Variants in PPM1B observed in about 807,000 individuals in gnomAD.
PPM1B encodes the protein protein phosphatase, Mg2+/Mn2+ dependent 1B.
A neutral mutation model predicts 43.0 loss-of-function variants in PPM1B; 22 were observed. That is an observed-to-expected ratio of 0.51 (90% CI 0.37 to 0.73). The LOEUF (loss-of-function observed/expected upper bound fraction) is 0.73, where lower values mean the gene tolerates loss of function less well. PPM1B is among the 30% of genes least tolerant of loss of function. The probability of loss-of-function intolerance (pLI) is 0.00; values close to 1 mark genes in which losing one functional copy is unlikely to be tolerated. For missense variants in PPM1B, 632 were observed against 584.2 expected (o/e 1.08, Z -0.84); for synonymous variants, 217 against 197.9 (o/e 1.10, Z -0.81).
chr2:44,219,151 T>C (rs2104226531), intron 5 of PPM1B: 2 of 158,888 alleles, frequency 1.3e-5, no homozygotes, highest in South Asian at 1.7e-4. Flanking sequence ...TGCCCCTCTA[T>C]ATTGTTTTGT....
At chr2:44,214,076 A>G (rs1669607732) in intron 3 of PPM1B, among the ~76,000 whole-genome samples, 1 of 152,166 alleles carries the variant, frequency 6.6e-6, no homozygotes, top group African/African-American at 2.4e-5. Flanking sequence ...AAAAACACCA[A>G]CCATAGAGTT....
chr2:44,225,766 C>T (rs1445032575), intron 5 of PPM1B, among the ~76,000 whole-genome samples: 3 of 152,128 alleles, frequency 2.0e-5, no homozygotes, highest in African/African-American at 7.2e-5. Flanking sequence ...AAGCGATTCT[C>T]CTGCCTCACC....
At position 44,201,574 on chromosome 2, in the gene PPM1B, C is replaced by T. The variant is rs1480858288; in HGVS notation, c.375C>T (p.Asn125=). Residue 125 remains asparagine (N), a synonymous_variant, in exon 2 of 6, where the codon AAC becomes AAT. Transcript: ENST00000282412. This position sits in a 1 kb window ranked among gnomAD's most constrained non-coding sequence, Gnocchi z 5.4. ...TGCGTAACTTTTCAGACCTCAGAAA[C>T]GGGATGGACAGGAGTGGTTCAACTG... The part of the protein sequence containing the change: ...EYMRNFSDLR[N]GMDRSGSTAV... The T allele has an allele frequency of 6.8e-6, 11 of 1,614,072 alleles. No individual in the cohort carries two copies. Among genetic ancestry groups the T allele is most frequent in the Admixed American group, 3.3e-5 (2 of 59,992 alleles).
intron 1 of PPM1B, among the ~76,000 whole-genome samples, chr2:44,196,515 T>G (rs1017632263): frequency 2.6e-5 from 4 of 152,196 alleles, no homozygotes; most frequent in Non-Finnish European, 5.9e-5. Context: ...AGTTATTCTC[T>G]CCCTCGTTTT....
downstream of PPM1B, among the ~76,000 whole-genome samples, chr2:44,237,800 C>CT (rs1234143788): frequency 1.3e-5 from 2 of 152,202 alleles, no homozygotes; most frequent in Non-Finnish European, 2.9e-5. Flanking sequence ...CTGATACCTT[C>CT]TTTCCCTCTC....
At chr2:44,246,906 C>A (rs746365594), downstream of PPM1B, among the ~76,000 whole-genome samples, 11 of 151,948 alleles carry the variant, frequency 7.2e-5, no homozygotes, top group Non-Finnish European at 1.5e-4. Context: ...TGTTATACTT[C>A]AATTAAAATA....
At position 44,231,273 on chromosome 2, in the gene PPM1B, T is replaced by C. The variant is rs985253342; in HGVS notation, c.*555T>C. On this transcript the variant is annotated 3_prime_UTR_variant, in exon 6 of 6. Coordinates refer to ENST00000282412, the MANE Select transcript of PPM1B (RefSeq NM_002706.6). ...TTTTATTTTTAGAAGTTGTGAGATA[T>C]TGGATGTGTGGCTATTTTTCCTTTC... 10 of 977,766 alleles carry C rather than the reference T, an allele frequency of 1.0e-5. No homozygotes were observed. The highest frequency in any genetic ancestry group is 6.2e-5 in the Admixed American group (1 of 16,238). The allele number at this position is 977,766 out of a possible 1,614,324, so 60.6% of individuals were successfully genotyped here. A position where few individuals can be genotyped will look rare whatever the true frequency, so the allele number is the denominator to read the frequency against.
chr2:44,186,748 A>G (rs902944132), intron 1 of PPM1B, among the ~76,000 whole-genome samples: 2 of 152,344 alleles, frequency 1.3e-5, no homozygotes, highest in Middle Eastern at 3.4e-3. Flanking sequence ...ATTTTCTGCT[A>G]TGGAATGTCA....
At chr2:44,204,018 C>T (rs1483936091) in intron 2 of PPM1B, among the ~76,000 whole-genome samples, 1 of 152,186 alleles carries the variant, frequency 6.6e-6, no homozygotes, top group Non-Finnish European at 1.5e-5. Flanking sequence ...ATCCTAGAAT[C>T]TCAGAAATGA....
chr2:44,175,168 C>T (rs1399840445), intron 1 of PPM1B, among the ~76,000 whole-genome samples: 2 of 152,070 alleles, frequency 1.3e-5, no homozygotes, highest in African/African-American at 4.8e-5. Flanking sequence ...ACAGGAGAAT[C>T]GCTTGAACCC....
chr2:44,202,548 T>G (rs1456872039), intron 2 of PPM1B, among the ~76,000 whole-genome samples: 1 of 152,210 alleles, frequency 6.6e-6, no homozygotes, highest in Admixed American at 6.5e-5. Flanking sequence ...CTCATTGTCT[T>G]CTAAAAGCAG....
chr2:44,193,135 A>G (rs76662860), intron 1 of PPM1B, among the ~76,000 whole-genome samples: 1,726 of 152,276 alleles, frequency 0.011, 11 homozygotes, highest in Non-Finnish European at 0.018. Context: ...TAGTTTTTTG[A>G]GGAATAGATA....
downstream of PPM1B, chr2:44,234,164 CA>C (rs1670545657): frequency 1.0e-6 from 1 of 977,712 alleles, no homozygotes; most frequent in African/African-American, 1.8e-5. Context: ...AGGAATTAAC[CA>C]AACTGTACAG....
At chr2:44,208,272 C>A (rs1669288452) in intron 2 of PPM1B, among the ~76,000 whole-genome samples, 1 of 152,132 alleles carries the variant, frequency 6.6e-6, no homozygotes, top group African/African-American at 2.4e-5. Context: ...GCTATTTTAG[C>A]CACTTTATAA....
intron 5 of PPM1B, among the ~76,000 whole-genome samples, chr2:44,241,024 A>G (rs1476876898): frequency 5.1e-5 from 7 of 137,586 alleles, no homozygotes; most frequent in Non-Finnish European, 1.1e-4. Flanking sequence ...TTTTTTTGAG[A>G]CGGAGTTTCA....
chr2:44,222,553 A>ATGAC (rs1670022482), intron 5 of PPM1B, among the ~76,000 whole-genome samples: 1 of 152,148 alleles, frequency 6.6e-6, no homozygotes, highest in South Asian at 2.1e-4. Flanking sequence ...TACTTGTGCC[A>ATGAC]GGCCCCTTAT....
At chr2:44,246,272 A>G (rs569929570), downstream of PPM1B, among the ~76,000 whole-genome samples, 2 of 152,308 alleles carry the variant, frequency 1.3e-5, no homozygotes, top group East Asian at 1.9e-4. Flanking sequence ...TGGCAACTGC[A>G]TGATACTGTT....
chr2:44,243,338 C>G (rs1470026205), intron 5 of PPM1B, among the ~76,000 whole-genome samples: 3 of 152,166 alleles, frequency 2.0e-5, no homozygotes, highest in Non-Finnish European at 4.4e-5. Context: ...ATACAGTAAA[C>G]TACAAAGAGC....
chr2:44,195,190 G>A (rs1668603054), intron 1 of PPM1B, among the ~76,000 whole-genome samples: 1 of 149,566 alleles, frequency 6.7e-6, no homozygotes, highest in South Asian at 2.1e-4. Flanking sequence ...ACCCCACCTG[G>A]CCTTTTCTTT....
Sources: gnomAD v4.1 joint callset for allele counts (sites outside exome capture counted in the v4.1 genomes callset) on GRCh38, gnomAD v4.1.1 for gene constraint, Gnocchi (gnomAD v3.1) non-coding constraint, MANE v1.5 for transcripts, NCBI Gene and HGNC (gene_info 2026-07-23, HGNC 2026-07-21) for gene names.